PTK2: variants seen among roughly 807,000 people sequenced by gnomAD.
PTK2 encodes focal adhesion kinase 1.
In PTK2, 45 loss-of-function variants were observed where a neutral mutation model predicts 150.1. The ratio of observed to expected loss-of-function variants is 0.30; its 90% CI spans 0.24 to 0.38. The LOEUF (loss-of-function observed/expected upper bound fraction) is 0.38. Among genes scored for constraint, PTK2 ranks in the 10% least tolerant of loss-of-function variants. The pLI is 1.00. For missense variants in PTK2, 919 were observed against 1,307.3 expected (o/e 0.70, Z 4.58); for synonymous variants, 432 against 449.2 (o/e 0.96, Z 0.48).
intron 23 of PTK2, among the ~76,000 whole-genome samples, chr8:140,715,937 G>C (rs2100039461): frequency 1.3e-5 from 2 of 152,126 alleles, no homozygotes; most frequent in Admixed American, 1.3e-4. Flanking sequence ...CAACAGATTG[G>C]GATATAGAAA....
chr8:140,764,734 C>G (rs1188438988), intron 14 of PTK2, among the ~76,000 whole-genome samples: 3 of 152,156 alleles, frequency 2.0e-5, no homozygotes, highest in Non-Finnish European at 4.4e-5. Context: ...ACAGCATAAT[C>G]TGAACGGAAC....
chr8:140,810,294 G>A (rs1461549983), intron 10 of PTK2, among the ~76,000 whole-genome samples: 1 of 152,250 alleles, frequency 6.6e-6, no homozygotes, highest in Non-Finnish European at 1.5e-5. Flanking sequence ...GGGAAGCCCT[G>A]ACTTGCTCCC....
chr8:140,676,310 A>G (rs2100013613), intron 27 of PTK2, among the ~76,000 whole-genome samples: 1 of 152,134 alleles, frequency 6.6e-6, no homozygotes, highest in Non-Finnish European at 1.5e-5. Context: ...CAGGAGGCAG[A>G]GGTTGCAGTG....
intron 1 of PTK2, among the ~76,000 whole-genome samples, chr8:140,937,534 G>C (rs2100174072): frequency 6.7e-6 from 1 of 149,072 alleles, no homozygotes; most frequent in Admixed American, 6.7e-5. Flanking sequence ...GCATTTGCTA[G>C]TATGTATCTC....
At chr8:140,885,142 T>A (rs1251806818) in intron 3 of PTK2, among the ~76,000 whole-genome samples, 2 of 152,218 alleles carry the variant, frequency 1.3e-5, no homozygotes, top group African/African-American at 2.4e-5. Flanking sequence ...CCTTGTAATG[T>A]CTTTTTAAAA....
intron 10 of PTK2, among the ~76,000 whole-genome samples, chr8:140,814,686 T>C (rs1006911040): frequency 1.1e-4 from 17 of 152,094 alleles, no homozygotes; most frequent in African/African-American, 3.1e-4. Flanking sequence ...AATAAGACAG[T>C]GTAGCAATTC....
chr8:140,828,109 C>A (rs1230227020), intron 8 of PTK2, among the ~76,000 whole-genome samples: 1 of 149,194 alleles, frequency 6.7e-6, no homozygotes, highest in Non-Finnish European at 1.5e-5. Flanking sequence ...GAGGTTGCAG[C>A]GAGTCGAGAT....
At chr8:140,986,088 T>C (rs953097117) in intron 1 of PTK2, among the ~76,000 whole-genome samples, 2 of 152,216 alleles carry the variant, frequency 1.3e-5, no homozygotes, top group Non-Finnish European at 2.9e-5. Flanking sequence ...GCCATATCTA[T>C]CCACTAGAAC....
At chr8:140,970,857 C>T (rs116711831) in intron 1 of PTK2, among the ~76,000 whole-genome samples, 1 of 53,718 alleles carries the variant, frequency 1.9e-5, no homozygotes, top group African/African-American at 3.7e-5. Flanking sequence ...CTGACTACAA[C>T]ATGTCTGACT....
chr8:140,703,898 A>C (rs2100032211), intron 24 of PTK2, among the ~76,000 whole-genome samples: 1 of 152,202 alleles, frequency 6.6e-6, no homozygotes, highest in Non-Finnish European at 1.5e-5. Context: ...AGTGAGATAA[A>C]GCACAGCCAA....
intron 5 of PTK2, among the ~76,000 whole-genome samples, chr8:140,848,060 T>C (rs1434018069): frequency 2.6e-5 from 4 of 152,218 alleles, no homozygotes; most frequent in Non-Finnish European, 2.9e-5. Context: ...GGAGAAATCA[T>C]AGTATAAACT....
At chr8:140,846,217 G>T in intron 7 of PTK2, 43 bp downstream of exon 7, 1 of 1,453,402 alleles carries the variant, frequency 6.9e-7, no homozygotes, top group Non-Finnish European at 9.5e-7. Context: ...TAAGAATTTA[G>T]TTCTGCATAT....
At chr8:140,660,723 T>G (rs954218803) in intron 31 of PTK2, 1 of 421,638 alleles carries the variant, frequency 2.4e-6, no homozygotes, top group African/African-American at 2.0e-5. Context: ...CAGACCATTA[T>G]GTACGCCCCT....
intron 1 of PTK2, chr8:140,940,514 AG>A: frequency 6.6e-6 from 1 of 152,268 alleles, no homozygotes; most frequent in Non-Finnish European, 1.5e-5. Flanking sequence ...TCCTGTATCA[AG>A]GGTAAGAACT....
exon 11 of PTK2, chr8:140,803,572 G>T (rs1305545982): frequency 6.2e-7 from 1 of 1,613,582 alleles, no homozygotes; most frequent in East Asian, 2.2e-5. Context: ...TTTAGTTGTA[G>T]CATTCCTTTT....
intron 29 of PTK2, 166 bp from the exon 34 acceptor site, chr8:140,668,590 A>C: frequency 2.8e-6 from 2 of 709,250 alleles, no homozygotes; most frequent in Non-Finnish European, 4.3e-6. Context: ...ACAGTAAAGT[A>C]ATTCCTCCAA....
chr8:140,784,762 ACAGG>A (rs1157520086), intron 14 of PTK2, among the ~76,000 whole-genome samples: 1 of 152,234 alleles, frequency 6.6e-6, no homozygotes, highest in African/African-American at 2.4e-5. Flanking sequence ...TCAGAACAAT[ACAGG>A]CAGGGACACA....
At chr8:140,665,234 G>A (rs2089447009) in intron 30 of PTK2, among the ~76,000 whole-genome samples, 1 of 151,998 alleles carries the variant, frequency 6.6e-6, no homozygotes, top group African/African-American at 2.4e-5. Context: ...AGAAGTTCAT[G>A]TAAGAAAAGT....
intron 7 of PTK2, among the ~76,000 whole-genome samples, chr8:140,842,823 A>G (rs1356500323): frequency 6.6e-6 from 1 of 152,178 alleles, no homozygotes; most frequent in African/African-American, 2.4e-5. Flanking sequence ...TTTAACTATC[A>G]TATTTACTTA....
Sources: gnomAD v4.1 joint callset for allele counts (sites outside exome capture counted in the v4.1 genomes callset) on GRCh38, gnomAD v4.1.1 for gene constraint, MANE v1.5 for transcripts, NCBI Gene and HGNC (gene_info 2026-07-23, HGNC 2026-07-21) for gene names.